The following GPM6A variants were observed in gnomAD, a reference collection of about 807,000 sequenced individuals.
GPM6A encodes glycoprotein M6A.
In GPM6A, 7 loss-of-function variants were observed where a neutral mutation model predicts 32.1. The ratio of observed to expected loss-of-function variants is 0.22; its 90% confidence interval spans 0.12 to 0.41. GPM6A has a LOEUF of 0.41. Ranked by LOEUF, GPM6A falls within the 10% of genes least tolerant of loss-of-function variation. GPM6A has a pLI of 1.00. For synonymous variants in GPM6A, 130 were observed against 123.4 expected (o/e 1.05, Z -0.35); for missense variants, 235 against 347.2 (o/e 0.68, Z 2.57).
intron 1 of GPM6A, among the ~76,000 whole-genome samples, chr4:175,773,043 A>G (rs1733253347): frequency 6.6e-6 from 1 of 152,238 alleles, no homozygotes; most frequent in Non-Finnish European, 1.5e-5. Flanking sequence ...CAATTTGTGT[A>G]ATCTTCATTT....
chr4:175,764,100 C>T (rs1190646555), intron 1 of GPM6A, among the ~76,000 whole-genome samples: 2 of 152,068 alleles, frequency 1.3e-5, no homozygotes, highest in East Asian at 1.9e-4. Flanking sequence ...TAACCATCAC[C>T]ACTATCTAAT....
intron 1 of GPM6A, among the ~76,000 whole-genome samples, chr4:175,890,522 T>C (rs1163191108): frequency 2.1e-5 from 1 of 47,164 alleles, no homozygotes; most frequent in Non-Finnish European, 7.1e-5. Flanking sequence ...TATTTTATTT[T>C]ATTTTATGTT....
At chr4:175,965,029 G>A (rs1001108376) in intron 1 of GPM6A, among the ~76,000 whole-genome samples, 5 of 152,084 alleles carry the variant, frequency 3.3e-5, no homozygotes, top group Admixed American at 3.3e-4. Context: ...TATAGAGCAG[G>A]CAGAAAAGCA....
At chr4:175,636,621 C>T (rs1740632377) in intron 6 of GPM6A, among the ~76,000 whole-genome samples, 1 of 150,260 alleles carries the variant, frequency 6.7e-6, no homozygotes, top group South Asian at 2.1e-4. Flanking sequence ...CATAGTGAAA[C>T]CCCATCTCTA....
At chr4:175,879,418 C>T (rs1217011421) in intron 1 of GPM6A, among the ~76,000 whole-genome samples, 1 of 152,100 alleles carries the variant, frequency 6.6e-6, no homozygotes, top group Non-Finnish European at 1.5e-5. Flanking sequence ...CTCACAGTTC[C>T]TCATGGAGGG....
intron 1 of GPM6A, among the ~76,000 whole-genome samples, chr4:175,766,459 T>G (rs1248024675): frequency 6.6e-6 from 1 of 152,142 alleles, no homozygotes; most frequent in African/African-American, 2.4e-5. Context: ...TAAAGCAATT[T>G]CAATTTACAC....
At position 175,711,782 on chromosome 4, in the gene GPM6A, T is replaced by C. The variant is rs145807763; in HGVS notation, c.38-10015A>G. Reference sequence around the variant, plus strand: ...GTAATCTGGGATTCAGTTGGTGAAGTAGAGAGCCTGTTAGCAGGACTCCAT... The same window carrying C: ...GTAATCTGGGATTCAGTTGGTGAAGCAGAGAGCCTGTTAGCAGGACTCCAT... On this transcript the variant is annotated intron_variant, in intron 1 of 6. Coordinates refer to ENST00000393658, the MANE Select transcript of GPM6A (RefSeq NM_201591.3). Among the ~76,000 whole-genome samples the C allele has an allele frequency of 7.4e-3, 1,125 of 151,654 alleles. 15 individuals are homozygous for C. The highest frequency in any genetic ancestry group is 0.026 in the African/African-American group (1,077 of 41,364).
At chr4:175,851,825 T>C (rs1736268605) in intron 1 of GPM6A, among the ~76,000 whole-genome samples, 1 of 152,250 alleles carries the variant, frequency 6.6e-6, no homozygotes, top group Non-Finnish European at 1.5e-5. Context: ...TTTTCTATTC[T>C]GTATTGCACT....
intron 1 of GPM6A, among the ~76,000 whole-genome samples, chr4:175,784,043 A>G (rs1055031135): frequency 3.9e-5 from 6 of 152,108 alleles, no homozygotes; most frequent in Non-Finnish European, 7.4e-5. Flanking sequence ...AGTAACTTCA[A>G]AGTGAAGTAA....
At chr4:175,807,146 T>G (rs537859750) in intron 1 of GPM6A, among the ~76,000 whole-genome samples, 1 of 152,344 alleles carries the variant, frequency 6.6e-6, no homozygotes, top group African/African-American at 2.4e-5. Context: ...TCTCTTTAAT[T>G]TCTTTGCAAT....
At chr4:175,923,407 TA>T (rs1738732322) in intron 1 of GPM6A, among the ~76,000 whole-genome samples, 1 of 149,510 alleles carries the variant, frequency 6.7e-6, no homozygotes, top group Admixed American at 6.7e-5. Flanking sequence ...ACACATTGAA[TA>T]GTGAGAGGCA....
intron 1 of GPM6A, among the ~76,000 whole-genome samples, chr4:175,915,574 T>C (rs572556855): frequency 5.8e-4 from 89 of 152,172 alleles, no homozygotes; most frequent in African/African-American, 2.1e-3. Context: ...CAAAGTGCTA[T>C]AAGTCAATAA....
chr4:175,801,448 T>A (rs1333227897), intron 1 of GPM6A, among the ~76,000 whole-genome samples: 1 of 152,058 alleles, frequency 6.6e-6, no homozygotes, highest in African/African-American at 2.4e-5. Context: ...CTAATATATC[T>A]ATAATATAGA....
intron 1 of GPM6A, among the ~76,000 whole-genome samples, chr4:175,783,286 T>C (rs1167140781): frequency 6.6e-6 from 1 of 151,920 alleles, no homozygotes; most frequent in Admixed American, 6.6e-5. Context: ...CACATTAATT[T>C]TGCCAATAAT....
At chr4:175,723,507 T>A (rs1021703055) in intron 1 of GPM6A, among the ~76,000 whole-genome samples, 1 of 152,154 alleles carries the variant, frequency 6.6e-6, no homozygotes, top group African/African-American at 2.4e-5. Context: ...ATTCAACAGA[T>A]GCTATAATAC....
intron 1 of GPM6A, among the ~76,000 whole-genome samples, chr4:175,870,335 T>C (rs1029551145): frequency 7.2e-5 from 11 of 152,134 alleles, no homozygotes; most frequent in African/African-American, 2.7e-4. Flanking sequence ...AGTCCCTGTG[T>C]AAGTAAGCTA....
At chr4:175,644,196 T>G (rs1741322363) in intron 4 of GPM6A, among the ~76,000 whole-genome samples, 1 of 143,840 alleles carries the variant, frequency 7.0e-6, no homozygotes, top group South Asian at 2.4e-4. Flanking sequence ...CTATCTCGGC[T>G]CACTGCAAGC....
chr4:175,746,574 A>G (rs1732113393), intron 1 of GPM6A, among the ~76,000 whole-genome samples: 1 of 152,136 alleles, frequency 6.6e-6, no homozygotes, highest in Non-Finnish European at 1.5e-5. Context: ...AACCCATCAT[A>G]ATTAGAATCA....
intron 1 of GPM6A, among the ~76,000 whole-genome samples, chr4:175,715,358 C>T (rs547008945): frequency 7.2e-5 from 11 of 152,290 alleles, no homozygotes; most frequent in South Asian, 2.1e-4. Flanking sequence ...GGATTGTTCA[C>T]GCAGATGCAG....
Sources: gnomAD v4.1 joint callset for allele counts (sites outside exome capture counted in the v4.1 genomes callset) on GRCh38, gnomAD v4.1.1 for gene constraint, MANE v1.5 for transcripts, NCBI Gene and HGNC (gene_info 2026-07-23, HGNC 2026-07-21) for gene names.